ABCD3: variants seen among roughly 807,000 people sequenced by gnomAD.
The protein encoded by ABCD3 is ATP binding cassette subfamily D member 3, also known as ATP-binding cassette sub-family D member 3.
A neutral mutation model predicts 105.5 loss-of-function variants in ABCD3; 41 were observed. The ratio of observed to expected loss-of-function variants is 0.39; its 90% CI spans 0.30 to 0.50. ABCD3 has a LOEUF of 0.50. Ranked by LOEUF, ABCD3 falls within the 20% of genes least tolerant of loss-of-function variation. The pLI, the probability that ABCD3 is intolerant of heterozygous loss-of-function variation, is 0.84. For synonymous variants in ABCD3, 258 were observed against 269.0 expected (o/e 0.96, Z 0.40); for missense variants, 622 against 806.3 (o/e 0.77, Z 2.77).
At chr1:94,416,589 A>C (rs939447931), upstream of ABCD3, among the ~76,000 whole-genome samples, 5 of 152,002 alleles carry the variant, frequency 3.3e-5, no homozygotes, top group Admixed American at 1.3e-4. Context: ...TCTCTGCCCT[A>C]CTCTGGCCCT....
At chr1:94,509,416 A>G (rs1357580144) in intron 21 of ABCD3, among the ~76,000 whole-genome samples, 1 of 152,140 alleles carries the variant, frequency 6.6e-6, no homozygotes, top group Non-Finnish European at 1.5e-5. Flanking sequence ...TTTTTGCATC[A>G]ATGTTCATCA....
intron 20 of ABCD3, among the ~76,000 whole-genome samples, chr1:94,501,983 T>TCTCTGC (rs1230280128): frequency 6.6e-6 from 1 of 152,078 alleles, no homozygotes; most frequent in Non-Finnish European, 1.5e-5. Flanking sequence ...TCCTTTTCTG[T>TCTCTGC]CTCTGCCTCC....
intron 16 of ABCD3, among the ~76,000 whole-genome samples, chr1:94,493,948 G>T (rs979267591): frequency 2.0e-5 from 3 of 151,966 alleles, no homozygotes; most frequent in Non-Finnish European, 2.9e-5. Flanking sequence ...CTGTTGTGGG[G>T]TGGGGTCCTG....
the ABCD3 span, among the ~76,000 whole-genome samples, chr1:94,396,590 A>AGT: frequency 0.026 from 3,953 of 151,336 alleles, 156 homozygotes; most frequent in African/African-American, 0.085. Flanking sequence ...TGTGAATAGA[A>AGT]GTGTGTGTGT....
intron 20 of ABCD3, among the ~76,000 whole-genome samples, chr1:94,504,264 T>G (rs895475327): frequency 6.6e-6 from 1 of 151,924 alleles, no homozygotes; most frequent in African/African-American, 2.4e-5. Flanking sequence ...ACTACAGGTA[T>G]GCACCACCAT....
At chr1:94,515,848 CTTCCTTTCTTTT>C (rs1052600744) in intron 22 of ABCD3, among the ~76,000 whole-genome samples, 2 of 151,038 alleles carry the variant, frequency 1.3e-5, no homozygotes, top group African/African-American at 4.9e-5. Flanking sequence ...TCCTTTCTTC[CTTCCTTTCTTTT>C]CTTCTTTCCT....
chr1:94,505,691 G>A (rs984387811), intron 20 of ABCD3, among the ~76,000 whole-genome samples: 5 of 152,124 alleles, frequency 3.3e-5, no homozygotes, highest in Admixed American at 6.6e-5. Context: ...TAATGGTCGA[G>A]TGAAGGAGAA....
At chr1:94,512,093 C>G (rs892197333) in intron 21 of ABCD3, among the ~76,000 whole-genome samples, 3 of 152,050 alleles carry the variant, frequency 2.0e-5, no homozygotes, top group African/African-American at 7.2e-5. Context: ...TCCAGTTTTT[C>G]TGCTCTGTTT....
chr1:94,418,444 C>G lies in ABCD3; in HGVS notation c.-35C>G, dbSNP rs753091516. On this transcript the variant is annotated 5_prime_UTR_variant, in exon 1 of 23. Coordinates refer to ENST00000370214, the MANE Select transcript of ABCD3 (RefSeq NM_002858.4). ...GTAGCCGCCGCCGCCGCCGCCGCCG[C>G]GTCCCCTCGCCGGCTCGCTGGTACC... The G allele has an allele frequency of 3.4e-5, 53 of 1,553,706 alleles. No homozygotes were observed. The highest frequency in any genetic ancestry group is 4.5e-5 in the Non-Finnish European group (52 of 1,149,282).
chr1:94,426,411 A>G (rs1418453917), intron 1 of ABCD3, among the ~76,000 whole-genome samples: 1 of 152,232 alleles, frequency 6.6e-6, no homozygotes, highest in East Asian at 1.9e-4. Flanking sequence ...CTTTCATTAA[A>G]GATCCTAAGA....
chr1:94,392,096 C>A, the ABCD3 span, among the ~76,000 whole-genome samples: 1 of 152,166 alleles, frequency 6.6e-6, no homozygotes, highest in Non-Finnish European at 1.5e-5. Context: ...TGCCTTCAGA[C>A]CCTATTCTCC....
intron 1 of ABCD3, among the ~76,000 whole-genome samples, chr1:94,449,642 T>C (rs1263848008): frequency 6.6e-6 from 1 of 152,184 alleles, no homozygotes; most frequent in Non-Finnish European, 1.5e-5. Flanking sequence ...AAAGTGAACG[T>C]ACTTGTTTAG....
At chr1:94,499,183 G>T in intron 19 of ABCD3, 149 bp downstream of exon 19, 1 of 811,066 alleles carries the variant, frequency 1.2e-6, no homozygotes, top group Non-Finnish European at 2.0e-6. Context: ...GAGGTAAGAT[G>T]TTAATCCCTT....
the ABCD3 span, chr1:94,406,435 G>T: frequency 2.6e-6 from 1 of 378,188 alleles, no homozygotes; most frequent in Admixed American, 2.7e-5. Context: ...AGCAGCTCAG[G>T]TTCCTTTCCA....
At chr1:94,507,139 C>G (rs375041306) in intron 21 of ABCD3, among the ~76,000 whole-genome samples, 3,790 of 151,982 alleles carry the variant, frequency 0.025, 130 homozygotes, top group African/African-American at 0.067. Context: ...ATCCCTCCCC[C>G]CTTCCCCCAC....
chr1:94,446,279 C>T (rs905873732), intron 1 of ABCD3, among the ~76,000 whole-genome samples: 8 of 152,202 alleles, frequency 5.3e-5, no homozygotes, highest in East Asian at 1.9e-4. Flanking sequence ...CTGGTAGTGC[C>T]GTGGTAGATT....
the ABCD3 span, among the ~76,000 whole-genome samples, chr1:94,403,101 A>G: frequency 2.0e-5 from 3 of 151,582 alleles, no homozygotes; most frequent in African/African-American, 4.8e-5. Flanking sequence ...ATGATTTCCA[A>G]TTTCATCCAT....
intron 1 of ABCD3, chr1:94,418,807 C>T (rs1055694975): frequency 3.5e-6 from 2 of 577,510 alleles, no homozygotes; most frequent in African/African-American, 2.0e-5. Context: ...CGCTCCACCC[C>T]GGGAGTGCGA....
chr1:94,472,625 A>G (rs991943357), intron 4 of ABCD3, among the ~76,000 whole-genome samples: 5 of 152,162 alleles, frequency 3.3e-5, no homozygotes, highest in African/African-American at 4.8e-5. Context: ...TAAAATGCAC[A>G]TACTATACAT....
Sources: allele counts gnomAD v4.1 joint callset (sites outside exome capture counted in the v4.1 genomes callset), GRCh38; gene constraint gnomAD v4.1.1; transcripts MANE v1.5; gene names NCBI Gene and HGNC (gene_info 2026-07-23, HGNC 2026-07-21).